The following SLC30A7 variants were observed in gnomAD, a reference collection of about 807,000 sequenced individuals.
SLC30A7 encodes the protein zinc transporter 7.
SLC30A7 carries 35 observed loss-of-function variants against 46.0 expected under a neutral mutation model. The observed-to-expected ratio is 0.76, with a 90% CI of 0.58 to 1.01. The LOEUF is 1.01. SLC30A7 is among the 50% of genes least tolerant of loss of function. SLC30A7 has a pLI of 0.00. For synonymous variants in SLC30A7, 147 were observed against 157.8 expected, an observed-to-expected ratio of 0.93 and a Z score of 0.51; for missense variants, 464 against 451.1, an observed-to-expected ratio of 1.03 and a Z score of -0.26.
intron 3 of SLC30A7, among the ~76,000 whole-genome samples, chr1:100,907,388 A>G (rs1651747858): frequency 6.6e-6 from 1 of 152,018 alleles, no homozygotes; most frequent in Non-Finnish European, 1.5e-5. Flanking sequence ...AACAGTTCTT[A>G]TATGCTTGCC....
intron 8 of SLC30A7, among the ~76,000 whole-genome samples, chr1:100,929,492 CTAAA>C (rs548620174): frequency 1.7e-3 from 253 of 152,100 alleles, no homozygotes; most frequent in East Asian, 5.4e-3. Context: ...AAAAAATCAA[CTAAA>C]TAGAGTATAA....
the SLC30A7 span, among the ~76,000 whole-genome samples, chr1:100,993,728 C>CA: frequency 1.3e-5 from 2 of 150,302 alleles, no homozygotes; most frequent in Non-Finnish European, 3.0e-5. Flanking sequence ...GCCATATTAA[C>CA]AAAAAAGTTT....
the SLC30A7 span, chr1:100,995,252 C>T: frequency 3.0e-6 from 2 of 657,038 alleles, no homozygotes; most frequent in Non-Finnish European, 5.3e-6. Flanking sequence ...GGGAAACACT[C>T]TTCCCTCACA....
At chr1:100,901,545 C>A (rs947801685) in intron 2 of SLC30A7, among the ~76,000 whole-genome samples, 3 of 152,080 alleles carry the variant, frequency 2.0e-5, no homozygotes, top group Non-Finnish European at 2.9e-5. Flanking sequence ...ACCTCTGCCC[C>A]CTGAGTTCAA....
intron 8 of SLC30A7, among the ~76,000 whole-genome samples, chr1:100,954,294 C>T (rs539630983): frequency 6.6e-6 from 1 of 152,058 alleles, no homozygotes. Context: ...CTATGTATAA[C>T]AAAGAACAAG....
intron 8 of SLC30A7, among the ~76,000 whole-genome samples, chr1:100,930,462 A>G (rs1406014464): frequency 3.9e-5 from 6 of 152,056 alleles, no homozygotes; most frequent in Non-Finnish European, 8.8e-5. Context: ...AGAAATCATC[A>G]TTGTTCATGA....
chr1:100,974,753 G>A (rs984627299), intron 10 of SLC30A7, 57 bp from the exon 11 acceptor site: 3 of 1,280,066 alleles, frequency 2.3e-6, no homozygotes, highest in African/African-American at 3.0e-5. Context: ...TTCCTGAAAT[G>A]TGTAGGGTGT....
chr1:100,937,408 T>A (rs1654036423), intron 8 of SLC30A7, among the ~76,000 whole-genome samples: 1 of 152,218 alleles, frequency 6.6e-6, no homozygotes, highest in African/African-American at 2.4e-5. Context: ...GCAGAAGGGT[T>A]GTAATTTCTC....
At chr1:100,908,344 G>A (rs768406138) in intron 3 of SLC30A7, among the ~76,000 whole-genome samples, 2 of 152,086 alleles carry the variant, frequency 1.3e-5, no homozygotes, top group Non-Finnish European at 2.9e-5. Flanking sequence ...TAGTTCTAAT[G>A]ATGTAAAAAT....
At chr1:100,903,956 ATAAT>A (rs990077451) in intron 2 of SLC30A7, among the ~76,000 whole-genome samples, 80 of 152,300 alleles carry the variant, frequency 5.3e-4, no homozygotes, top group African/African-American at 1.9e-3. Flanking sequence ...ATAATAGTTA[ATAAT>A]TAATAATGTG....
intron 8 of SLC30A7, among the ~76,000 whole-genome samples, chr1:100,944,649 TC>T (rs369143474): frequency 1.0e-5 from 1 of 98,038 alleles, no homozygotes; most frequent in South Asian, 4.1e-4. Flanking sequence ...ATGCTATCCC[TC>T]CCCCCACCCC....
At chr1:100,905,705 C>A (rs1334486668) in intron 2 of SLC30A7, among the ~76,000 whole-genome samples, 1 of 151,960 alleles carries the variant, frequency 6.6e-6, no homozygotes, top group Non-Finnish European at 1.5e-5. Context: ...GACTGTTATT[C>A]CTCCATATTG....
intron 8 of SLC30A7, among the ~76,000 whole-genome samples, chr1:100,960,956 T>G (rs991803015): frequency 6.8e-6 from 1 of 146,498 alleles, no homozygotes; most frequent in Non-Finnish European, 1.5e-5. Flanking sequence ...TGTTTTTTTT[T>G]TTTTTTTTTT....
intron 8 of SLC30A7, among the ~76,000 whole-genome samples, chr1:100,939,156 T>C (rs989352570): frequency 4.0e-5 from 6 of 149,404 alleles, no homozygotes; most frequent in Non-Finnish European, 9.1e-5. Flanking sequence ...CTCTGTTGCC[T>C]CTGCTATTTA....
chr1:100,896,278 A>G lies in SLC30A7; in HGVS notation c.16A>G (p.Ile6Val), dbSNP rs146152851. The G allele has an allele frequency of 6.2e-7, 1 of 1,614,230 alleles. No homozygotes were observed. Among genetic ancestry groups the G allele is most frequent in the Non-Finnish European group, 8.5e-7 (1 of 1,180,040 alleles). ...GGCAGAGAAGATGTTGCCCCTGTCC[A>G]TCAAAGACGATGAATACAAACCACC... MLPLS[I>V]KDDEYKPPKF... is the part of the protein sequence containing the mutation. Residue 6 changes from isoleucine (I) to valine (V), a missense_variant, in exon 1 of 11, where the codon ATC (isoleucine) becomes GTC (valine). Physicochemically the swap from Ile to Val is conservative, Grantham distance 29. Coordinates refer to ENST00000357650, the MANE Select transcript of SLC30A7 (RefSeq NM_133496.5).
At chr1:100,946,839 T>G (rs900377261) in intron 8 of SLC30A7, among the ~76,000 whole-genome samples, 19 of 152,210 alleles carry the variant, frequency 1.2e-4, no homozygotes, top group African/African-American at 4.6e-4. Context: ...TTCTATTGAT[T>G]GGAATAGTTT....
chr1:100,952,346 A>G (rs751277817), intron 8 of SLC30A7, among the ~76,000 whole-genome samples: 6 of 152,216 alleles, frequency 3.9e-5, no homozygotes, highest in Non-Finnish European at 5.9e-5. Context: ...AATGGGGACA[A>G]TGATAATACC....
intron 7 of SLC30A7, among the ~76,000 whole-genome samples, chr1:100,919,277 CT>C (rs1485023292): frequency 6.6e-6 from 1 of 152,002 alleles, no homozygotes; most frequent in Non-Finnish European, 1.5e-5. Flanking sequence ...ATCTCTGGCT[CT>C]GAGTTTCCAT....
rs1301983298 is a variant in SLC30A7 at position 100,979,665 on chromosome 1, G to C, written c.*4808G>C. On this transcript the variant is annotated 3_prime_UTR_variant, in exon 11 of 11. Transcript: ENST00000357650. ...CAAATTTCTACAAAGGAATAATTTTGCATGATTTTATGATTGACGGAGCAT... is the reference window on the plus strand; with the variant it reads ...CAAATTTCTACAAAGGAATAATTTTCCATGATTTTATGATTGACGGAGCAT... 1 of 152,054 alleles carries C rather than the reference G, an allele frequency of 6.6e-6. No homozygotes were observed. Among genetic ancestry groups the C allele is most frequent in the Non-Finnish European group, 1.5e-5 (1 of 67,968 alleles). 9.4% of individuals were successfully genotyped at this position (152,054 alleles called of 1,614,324 possible).
Sources: allele counts gnomAD v4.1 joint callset (sites outside exome capture counted in the v4.1 genomes callset), GRCh38; gene constraint gnomAD v4.1.1; transcripts MANE v1.5; gene names NCBI Gene and HGNC (gene_info 2026-07-23, HGNC 2026-07-21).